CDH2: variants seen among roughly 807,000 people sequenced by gnomAD.
CDH2 encodes the protein cadherin-2.
Under a neutral mutation model 92.0 loss-of-function variants are expected in CDH2, and 17 were observed. The ratio of observed to expected loss-of-function variants is 0.18; its 90% CI spans 0.13 to 0.28. The LOEUF (loss-of-function observed/expected upper bound fraction) is 0.28. CDH2 is among the 10% of genes least tolerant of loss of function. The pLI is 1.00. For missense variants in CDH2, 862 were observed against 1,133.1 expected (o/e 0.76, Z 3.44); for synonymous variants, 419 against 415.9 (o/e 1.01, Z -0.09).
intron 2 of CDH2, among the ~76,000 whole-genome samples, chr18:28,143,474 T>C (rs1403861749): frequency 6.6e-6 from 1 of 151,978 alleles, no homozygotes; most frequent in African/African-American, 2.4e-5. Context: ...TTCTTCTGCT[T>C]GTAAACAGGT....
chr18:28,111,262 T>C (rs1484884809), intron 2 of CDH2, among the ~76,000 whole-genome samples: 1 of 152,206 alleles, frequency 6.6e-6, no homozygotes, highest in Non-Finnish European at 1.5e-5. Context: ...CGGAGCCCAC[T>C]TGCTGACCTA....
chr18:27,975,696 CT>C (rs2011803343), intron 14 of CDH2, among the ~76,000 whole-genome samples: 1 of 152,214 alleles, frequency 6.6e-6, no homozygotes, highest in African/African-American at 2.4e-5. Flanking sequence ...TGGCTGCCCC[CT>C]GCCAGTGTGG....
At chr18:28,148,928 ATTAAAT>A (rs1204505560) in intron 1 of CDH2, among the ~76,000 whole-genome samples, 3 of 152,266 alleles carry the variant, frequency 2.0e-5, no homozygotes, top group Admixed American at 2.0e-4. Flanking sequence ...TAAGAAATAA[ATTAAAT>A]TTAAACAGTA....
intron 2 of CDH2, among the ~76,000 whole-genome samples, chr18:28,054,968 T>A (rs2014264253): frequency 6.6e-6 from 1 of 152,204 alleles, no homozygotes; most frequent in African/African-American, 2.4e-5. Flanking sequence ...TTTGTAAGTG[T>A]GTCTCCCTCT....
intron 2 of CDH2, among the ~76,000 whole-genome samples, chr18:28,084,117 C>G (rs1433873010): frequency 6.6e-6 from 1 of 152,130 alleles, no homozygotes; most frequent in African/African-American, 2.4e-5. Context: ...GTGACAGGAG[C>G]TGGCATACAT....
intron 2 of CDH2, among the ~76,000 whole-genome samples, chr18:28,106,172 T>TTGGGGAGCCCAAGGC (rs1394168513): frequency 6.6e-6 from 1 of 152,228 alleles, no homozygotes; most frequent in Non-Finnish European, 1.5e-5. Flanking sequence ...ATCCCAGCAC[T>TTGGGGAGCCCAAGGC]TGGGGAGCCC....
intron 3 of CDH2, among the ~76,000 whole-genome samples, chr18:28,013,250 C>A (rs17493689): frequency 1.3e-5 from 2 of 152,256 alleles, no homozygotes; most frequent in South Asian, 2.1e-4. Flanking sequence ...TACCCCCCAA[C>A]TGGATTATTA....
At chr18:28,115,475 C>G (rs1286481889) in intron 2 of CDH2, among the ~76,000 whole-genome samples, 1 of 152,154 alleles carries the variant, frequency 6.6e-6, no homozygotes. Flanking sequence ...GATTATCAAA[C>G]ATGGGCCAGG....
chr18:27,982,995 T>A lies in CDH2; in HGVS notation c.2298A>T (p.Val766=). ...KQLLIDPEDD[V]RDNILKYDEE... ...CATCATATTTTAAAATATTATCTCT[T>A]ACATCATCTTCTGGATCAATTAAAA... is the stretch of plus-strand genomic sequence containing the variant. The change falls in exon 14 of 16, where the codon GTA becomes GTT. Residue 766 remains valine, a synonymous_variant. Transcript: ENST00000269141. 1 of 1,608,986 alleles carries A rather than the reference T, an allele frequency of 6.2e-7. No homozygotes were observed. Among genetic ancestry groups the A allele is most frequent in the Non-Finnish European group, 8.5e-7 (1 of 1,175,826 alleles).
intron 14 of CDH2, among the ~76,000 whole-genome samples, chr18:27,978,452 G>A (rs2011923732): frequency 6.6e-6 from 1 of 152,136 alleles, no homozygotes; most frequent in Admixed American, 6.5e-5. Flanking sequence ...CAATGCAGTG[G>A]TAAACATCAT....
rs764603402 is a variant in CDH2, at chr18:28,147,629, G to A, written c.172+44C>T. Reference sequence around the variant, plus strand: ...TTTTTTAATGGCTAATTTGTTTCATGAGCATGGACACTGCATGTACAAATA... The same window carrying A: ...TTTTTTAATGGCTAATTTGTTTCATAAGCATGGACACTGCATGTACAAATA... On this transcript the variant is annotated intron_variant, in intron 2 of 15. Coordinates refer to ENST00000269141, the MANE Select transcript of CDH2 (RefSeq NM_001792.5). The A allele has an allele frequency of 4.2e-6, 5 of 1,191,784 alleles. No homozygotes were observed. In the South Asian group the frequency reaches 6.6e-5, roughly 16 times the overall value. 73.8% of individuals were successfully genotyped at this position (1,191,784 alleles called of 1,614,324 possible).
chr18:28,171,388 T>C (rs1287731384), intron 1 of CDH2, among the ~76,000 whole-genome samples: 1 of 151,868 alleles, frequency 6.6e-6, no homozygotes. Context: ...ATAAAACTAA[T>C]AAAAAAAATT....
chr18:28,175,905 G>A (rs2016532523), intron 1 of CDH2, among the ~76,000 whole-genome samples: 1 of 152,194 alleles, frequency 6.6e-6, no homozygotes, highest in Admixed American at 6.5e-5. Flanking sequence ...TGGGACCAGG[G>A]CACTGCACCC....
intron 6 of CDH2, among the ~76,000 whole-genome samples, chr18:27,937,452 T>C (rs1909045462): frequency 6.6e-6 from 1 of 152,160 alleles, no homozygotes; most frequent in South Asian, 2.1e-4. Context: ...CTGTAAAGCA[T>C]ATCAGTAACA....
At chr18:28,063,540 T>C (rs116847793) in intron 2 of CDH2, among the ~76,000 whole-genome samples, 2,426 of 152,316 alleles carry the variant, frequency 0.016, 20 homozygotes, top group Middle Eastern at 0.037. Context: ...CTGTCAGCCA[T>C]TGTGTAGAGC....
At chr18:28,148,492 T>C (rs1422608125) in intron 1 of CDH2, among the ~76,000 whole-genome samples, 1 of 152,212 alleles carries the variant, frequency 6.6e-6, no homozygotes, top group Non-Finnish European at 1.5e-5. Context: ...TACCTACTAC[T>C]GTCTAGCTAA....
At chr18:28,061,328 C>T (rs1218994968) in intron 2 of CDH2, among the ~76,000 whole-genome samples, 1 of 152,172 alleles carries the variant, frequency 6.6e-6, no homozygotes, top group Non-Finnish European at 1.5e-5. Context: ...GTACTTCCCT[C>T]TTCTGTGCTG....
At chr18:28,006,436 G>A (rs1331634473) in intron 5 of CDH2, among the ~76,000 whole-genome samples, 1 of 151,988 alleles carries the variant, frequency 6.6e-6, no homozygotes, top group Non-Finnish European at 1.5e-5. Flanking sequence ...TGTGAAAGTA[G>A]GCCAGGCACG....
intron 2 of CDH2, among the ~76,000 whole-genome samples, chr18:28,133,019 ATCTATATCTCT>A (rs962849610): frequency 1.3e-5 from 2 of 152,122 alleles, no homozygotes; most frequent in African/African-American, 4.8e-5. Context: ...CATTCTCCTT[ATCTATATCTCT>A]TCCTTATCCA....
Sources: gnomAD v4.1 joint callset for allele counts (sites outside exome capture counted in the v4.1 genomes callset) on GRCh38, gnomAD v4.1.1 for gene constraint, MANE v1.5 for transcripts, NCBI Gene and HGNC (gene_info 2026-07-23, HGNC 2026-07-21) for gene names.